The following CHCHD3 variants were observed in gnomAD, a reference collection of about 807,000 sequenced individuals.
CHCHD3 encodes MICOS complex subunit MIC19.
CHCHD3 carries 20 observed loss-of-function variants against 38.2 expected under a neutral mutation model. That is an observed-to-expected ratio of 0.52 (90% CI 0.37 to 0.76). The LOEUF is 0.76. Ranked by LOEUF, CHCHD3 falls within the 30% of genes least tolerant of loss-of-function variation. CHCHD3 has a pLI of 0.00. For synonymous variants in CHCHD3, 82 were observed against 100.0 expected, an observed-to-expected ratio of 0.82 and a Z score of 1.07; for missense variants, 245 against 279.2, an observed-to-expected ratio of 0.88 and a Z score of 0.87.
chr7:132,956,557 T>C (rs1298698846), intron 4 of CHCHD3, among the ~76,000 whole-genome samples: 1 of 152,210 alleles, frequency 6.6e-6, no homozygotes, highest in African/African-American at 2.4e-5. Flanking sequence ...TAATTCCACA[T>C]AAGTACAATA....
At chr7:132,918,317 C>A (rs1057409009) in intron 4 of CHCHD3, among the ~76,000 whole-genome samples, 5 of 152,114 alleles carry the variant, frequency 3.3e-5, no homozygotes, top group African/African-American at 1.2e-4. Context: ...GCTTTAGATT[C>A]CCCATCAGTA....
chr7:132,993,441 C>T (rs899092347), intron 3 of CHCHD3, among the ~76,000 whole-genome samples: 10 of 152,216 alleles, frequency 6.6e-5, no homozygotes, highest in Admixed American at 5.9e-4. Flanking sequence ...ATGCTACAAA[C>T]ATCAAAGCAC....
chr7:133,001,983 A>G (rs1005433124), intron 3 of CHCHD3, among the ~76,000 whole-genome samples: 1 of 152,156 alleles, frequency 6.6e-6, no homozygotes, highest in African/African-American at 2.4e-5. Context: ...CCTCCATCTT[A>G]CAGATGAGGC....
chr7:132,821,803 C>T lies in CHCHD3; in HGVS notation c.524+16596G>A, dbSNP rs376752896. On this transcript the variant is annotated intron_variant, in intron 6 of 7. Transcript: ENST00000262570. ...CGGAGTCTCGCTCTGTCGTCCAGGCCGGACTGCGGACTGCAGTGGCGCAAT... is the reference window on the plus strand; with the variant it reads ...CGGAGTCTCGCTCTGTCGTCCAGGCTGGACTGCGGACTGCAGTGGCGCAAT... 5.8e-4 allele frequency among the ~76,000 whole-genome samples: 82 copies of T among 141,266 alleles called. 1 individual carries two copies. In the East Asian group the frequency reaches 0.015, roughly 26 times the overall value. 92.7% of individuals were successfully genotyped at this position (141,266 alleles called of 152,430 possible).
At chr7:133,023,339 T>C (rs1266108763) in intron 3 of CHCHD3, among the ~76,000 whole-genome samples, 1 of 152,176 alleles carries the variant, frequency 6.6e-6, no homozygotes, top group Non-Finnish European at 1.5e-5. Context: ...AGTTAGTTTG[T>C]CAAAAGAAAT....
chr7:132,997,604 C>T (rs758783359), intron 3 of CHCHD3, among the ~76,000 whole-genome samples: 1 of 146,674 alleles, frequency 6.8e-6, no homozygotes, highest in Admixed American at 6.9e-5. Context: ...AATGCTTCTA[C>T]CATTTTCCTG....
intron 4 of CHCHD3, among the ~76,000 whole-genome samples, chr7:132,893,688 G>C (rs1258475782): frequency 6.6e-6 from 1 of 152,190 alleles, no homozygotes; most frequent in Non-Finnish European, 1.5e-5. Context: ...TTGGATCATG[G>C]GGGCGGTTTC....
chr7:132,944,854 C>T (rs1344734309), intron 4 of CHCHD3, among the ~76,000 whole-genome samples: 1 of 151,972 alleles, frequency 6.6e-6, no homozygotes, highest in Non-Finnish European at 1.5e-5. Flanking sequence ...TTTAATATAA[C>T]TGTCAATATG....
intron 2 of CHCHD3, among the ~76,000 whole-genome samples, chr7:133,037,923 C>T (rs7796888): frequency 0.46 from 70,560 of 152,060 alleles, 17,268 homozygotes; most frequent in African/African-American, 0.62. Flanking sequence ...TACTTCGTTG[C>T]AGTGTTTACC....
intron 3 of CHCHD3, among the ~76,000 whole-genome samples, chr7:132,981,993 G>A (rs1029054402): frequency 6.6e-6 from 1 of 152,086 alleles, no homozygotes; most frequent in Non-Finnish European, 1.5e-5. Context: ...TGCTAACAAT[G>A]AATTTTATTT....
chr7:132,841,239 C>A (rs1273181622), intron 5 of CHCHD3, among the ~76,000 whole-genome samples: 1 of 152,070 alleles, frequency 6.6e-6, no homozygotes, highest in African/African-American at 2.4e-5. Context: ...GAATCAGATG[C>A]TCAAGAAGCT....
In CHCHD3 at chr7:132,877,040, T is replaced by G. The variant is rs139356859; in HGVS notation, c.453+8622A>C. ...GGTTAATACTTCTTGACAGCCTACA[T>G]GGTAAATAGAGCCCCAAATTAAGTG... On this transcript the variant is annotated intron_variant, in intron 5 of 7. Coordinates refer to ENST00000262570, the MANE Select transcript of CHCHD3 (RefSeq NM_017812.4). Among the ~76,000 whole-genome samples, 108 of 152,274 alleles carry G rather than the reference T, an allele frequency of 7.1e-4. 1 individual carries two copies. In the East Asian group the frequency reaches 0.013, roughly 18 times the overall value.
chr7:132,925,831 G>A (rs1017455752), intron 4 of CHCHD3, among the ~76,000 whole-genome samples: 2 of 152,176 alleles, frequency 1.3e-5, no homozygotes, highest in Admixed American at 6.5e-5. Context: ...TCCAAAAGAT[G>A]AGCCTCAAAA....
At chr7:133,067,246 C>T (rs1814695040) in intron 2 of CHCHD3, among the ~76,000 whole-genome samples, 2 of 151,846 alleles carry the variant, frequency 1.3e-5, no homozygotes, top group Admixed American at 6.6e-5. Context: ...ATGATCATCA[C>T]GCTAACTCCG....
chr7:132,877,407 T>C (rs1808939824), intron 5 of CHCHD3, among the ~76,000 whole-genome samples: 3 of 152,172 alleles, frequency 2.0e-5, no homozygotes, highest in Admixed American at 2.0e-4. Flanking sequence ...TTTTGGAATA[T>C]CTGCAATAAT....
chr7:132,956,971 C>T (rs1811189851), intron 4 of CHCHD3, among the ~76,000 whole-genome samples: 1 of 152,230 alleles, frequency 6.6e-6, no homozygotes, highest in African/African-American at 2.4e-5. Context: ...CTCTGTGTGT[C>T]TGGCTTACCC....
intron 4 of CHCHD3, among the ~76,000 whole-genome samples, chr7:132,900,704 T>C (rs1050954545): frequency 2.6e-5 from 4 of 151,996 alleles, no homozygotes; most frequent in Non-Finnish European, 2.9e-5. Context: ...CTAAGAAAAA[T>C]AGAATTTGGA....
At chr7:132,830,169 A>G (rs777756719) in intron 6 of CHCHD3, among the ~76,000 whole-genome samples, 4 of 152,180 alleles carry the variant, frequency 2.6e-5, no homozygotes, top group Non-Finnish European at 4.4e-5. Flanking sequence ...TTAATACCGA[A>G]GCTTTCTTTG....
intron 4 of CHCHD3, chr7:132,973,429 C>T (rs756501429): frequency 1.5e-5 from 15 of 985,556 alleles, no homozygotes; most frequent in African/African-American, 3.5e-5. Flanking sequence ...TCAGCTTAGA[C>T]GTACAACAAA....
Sources: gnomAD v4.1 joint callset for allele counts (sites outside exome capture counted in the v4.1 genomes callset) on GRCh38, gnomAD v4.1.1 for gene constraint, MANE v1.5 for transcripts, NCBI Gene and HGNC (gene_info 2026-07-23, HGNC 2026-07-21) for gene names.